Variants in MZT2B observed in about 807,000 individuals in gnomAD.
MZT2B encodes mitotic-spindle organizing protein 2B.
MZT2B carries 11 observed loss-of-function variants against 12.1 expected under a neutral mutation model. That is an observed-to-expected ratio of 0.91 (90% CI 0.57 to 1.50). The LOEUF (loss-of-function observed/expected upper bound fraction) is 1.50, where lower values mean the gene tolerates loss of function less well. MZT2B is among the 40% of genes most tolerant of loss of function. MZT2B has a pLI of 0.00. For synonymous variants in MZT2B, 85 were observed against 109.5 expected (o/e 0.78, Z 1.40); for missense variants, 209 against 227.7 (o/e 0.92, Z 0.53).
intron 2 of MZT2B, among the ~76,000 whole-genome samples, chr2:130,186,638 AG>A (rs1690075357): frequency 6.6e-6 from 1 of 152,154 alleles, no homozygotes; most frequent in Non-Finnish European, 1.5e-5. Context: ...CCGGTACAAA[AG>A]GGAATGCAAA....
At chr2:130,184,417 A>G in intron 2 of MZT2B, 3 of 985,436 alleles carry the variant, frequency 3.0e-6, no homozygotes, top group African/African-American at 1.7e-5. Context: ...CACAGATGCC[A>G]TATGCTGGCC....
At chr2:130,194,656 A>C (rs1329874690), downstream of MZT2B, among the ~76,000 whole-genome samples, 1 of 152,234 alleles carries the variant, frequency 6.6e-6, no homozygotes, top group Non-Finnish European at 1.5e-5. Flanking sequence ...CAGACTCAGT[A>C]GGACTCAAGA....
chr2:130,192,794 T>TTG (rs1337883917), downstream of MZT2B, among the ~76,000 whole-genome samples: 1 of 152,138 alleles, frequency 6.6e-6, no homozygotes, highest in Non-Finnish European at 1.5e-5. Context: ...AGCAAACTCG[T>TTG]TCTATAAATG....
At chr2:130,197,357 C>T in the MZT2B span, among the ~76,000 whole-genome samples, 4 of 131,892 alleles carry the variant, frequency 3.0e-5, 1 homozygote, top group East Asian at 9.7e-4. Flanking sequence ...TGTGGTGGCA[C>T]ACACCTGTAG....
At chr2:130,187,716 A>G (rs1690114314) in intron 2 of MZT2B, among the ~76,000 whole-genome samples, 1 of 152,104 alleles carries the variant, frequency 6.6e-6, no homozygotes, top group Admixed American at 6.5e-5. Context: ...AGGCCATTCT[A>G]TTCTGGGCCT....
At chr2:130,194,969 C>A (rs577781287), downstream of MZT2B, 38 of 1,547,024 alleles carry the variant, frequency 2.5e-5, no homozygotes, top group African/African-American at 3.4e-4. Context: ...TGAGCCACCG[C>A]GCCCGGCCAA....
chr2:130,191,516 CT>C (rs2104745133), downstream of MZT2B, among the ~76,000 whole-genome samples: 1 of 152,304 alleles, frequency 6.6e-6, no homozygotes, highest in African/African-American at 2.4e-5. Flanking sequence ...GTTGAAAACC[CT>C]GACTCAGCTT....
intron 2 of MZT2B, chr2:130,184,758 T>A (rs1689994874): frequency 1.0e-6 from 1 of 985,290 alleles, no homozygotes; most frequent in South Asian, 4.7e-5. Flanking sequence ...GGGATGTTGC[T>A]GCTCACTCAG....
At chr2:130,197,382 A>G in the MZT2B span, among the ~76,000 whole-genome samples, 701 of 84,520 alleles carry the variant, frequency 8.3e-3, 3 homozygotes, top group Admixed American at 0.01. Context: ...AGCTACTCGG[A>G]AGGCTGAGGC....
chr2:130,200,899 C>A, the MZT2B span, among the ~76,000 whole-genome samples: 1 of 152,218 alleles, frequency 6.6e-6, no homozygotes, highest in African/African-American at 2.4e-5. Context: ...TTGAGTCTTC[C>A]ATCCCTAAAG....
Position 130,182,666 on chromosome 2 carries a change from C to T in MZT2B, c.210C>T (p.Leu70=). The T allele has an allele frequency of 6.4e-7, 1 of 1,553,390 alleles. No individual in the cohort carries two copies. The highest frequency in any genetic ancestry group is 8.7e-7 in the Non-Finnish European group (1 of 1,149,506). ...VDLLKLNVAP[L]AVFQMLKSMC... ...TGCTGAAGCTGAACGTGGCCCCCCTCGCCGTCTTCCAGATGCTCAAGTCCA... is the reference window on the plus strand; with the variant it reads ...TGCTGAAGCTGAACGTGGCCCCCCTTGCCGTCTTCCAGATGCTCAAGTCCA... The change falls in exon 2 of 3, where the codon CTC becomes CTT. Residue 70 remains leucine, a synonymous_variant. Transcript: ENST00000281871.
Position 130,182,361 on chromosome 2 carries a change from C to T in MZT2B, c.79C>T (p.Leu27=). ...GGAGGCGGCCCGGCAGAAGCTGGCG[C>T]TGCGGCGGAAGAAGGTGCTGAGCAC... ...GLEAARQKLA[L]RRKKVLSTEE... The change falls in exon 1 of 3, where the codon CTG becomes TTG. Residue 27 remains leucine (L), a synonymous_variant. Transcript: ENST00000281871. The T allele has an allele frequency of 6.5e-7, 1 of 1,540,376 alleles. No homozygotes were observed. The highest frequency in any genetic ancestry group is 8.7e-7 in the Non-Finnish European group (1 of 1,147,812).
the MZT2B span, among the ~76,000 whole-genome samples, chr2:130,195,798 C>A: frequency 2.0e-5 from 3 of 152,230 alleles, no homozygotes; most frequent in South Asian, 2.1e-4. Context: ...TCAAGACTCT[C>A]GTGCACCAGC....
chr2:130,181,923 C>A, upstream of MZT2B: 1 of 1,460,236 alleles, frequency 6.8e-7, no homozygotes, highest in South Asian at 1.2e-5. Flanking sequence ...CAGAAAATTG[C>A]ACGCTTTCTT....
chr2:130,183,693 C>A, intron 2 of MZT2B: 6 of 1,548,528 alleles, frequency 3.9e-6, no homozygotes, highest in Non-Finnish European at 5.2e-6. Flanking sequence ...GGCACCCACA[C>A]CCGCTGACCC....
chr2:130,181,816 G>A (rs1573752750), upstream of MZT2B: 13 of 1,545,450 alleles, frequency 8.4e-6, no homozygotes, highest in African/African-American at 6.8e-5. Flanking sequence ...TCCCCAGCAA[G>A]GAATCCGCGT....
upstream of MZT2B, chr2:130,181,889 C>A: frequency 6.6e-7 from 1 of 1,520,436 alleles, no homozygotes; most frequent in South Asian, 1.2e-5. Flanking sequence ...GAAAAGCGAC[C>A]CCTAGTGGTG....
downstream of MZT2B, chr2:130,193,930 C>T (rs762362704): frequency 1.9e-5 from 30 of 1,614,122 alleles, 1 homozygote; most frequent in Admixed American, 8.3e-5. Flanking sequence ...GAGGGTCACA[C>T]TTGACCATCT....
chr2:130,196,194 G>A, the MZT2B span: 16 of 1,613,866 alleles, frequency 9.9e-6, no homozygotes, highest in South Asian at 1.2e-4. Context: ...CTGGGCACGT[G>A]CTTGCCAGCT....
Sources: allele counts gnomAD v4.1 joint callset (sites outside exome capture counted in the v4.1 genomes callset), GRCh38; gene constraint gnomAD v4.1.1; transcripts MANE v1.5; gene names NCBI Gene and HGNC (gene_info 2026-07-23, HGNC 2026-07-21).